Variants in KALRN observed in about 807,000 individuals in gnomAD.
The protein encoded by KALRN is kalirin.
Under a neutral mutation model 353.7 loss-of-function variants are expected in KALRN, and 70 were observed. That is an observed-to-expected ratio of 0.20 (90% CI 0.16 to 0.24). The LOEUF (loss-of-function observed/expected upper bound fraction) is 0.24, where lower values mean the gene tolerates loss of function less well. KALRN is among the 10% of genes least tolerant of loss of function. KALRN has a pLI of 1.00. For missense variants in KALRN, 2,791 were observed against 3,756.7 expected (o/e 0.74, Z 6.72); for synonymous variants, 1,391 against 1,434.8 (o/e 0.97, Z 0.69).
At chr3:124,644,103 C>A (rs960640915) in intron 37 of KALRN, among the ~76,000 whole-genome samples, 1 of 152,102 alleles carries the variant, frequency 6.6e-6, no homozygotes, top group Non-Finnish European at 1.5e-5. Flanking sequence ...ACTTTGTATC[C>A]TTTGACCTAC....
chr3:124,269,053 A>G lies in KALRN; in HGVS notation c.767A>G (p.Gln256Arg). ...ELDREGQRLLQCIRCSDGFSG... is the reference protein window; with the variant it reads ...ELDREGQRLLRCIRCSDGFSG... ...GACCGGGAGGGGCAGCGGCTGCTGCAGTGCATCCGCTGCAGCGACGGCTTC... is the reference window on the plus strand; with the variant it reads ...GACCGGGAGGGGCAGCGGCTGCTGCGGTGCATCCGCTGCAGCGACGGCTTC... The change falls in exon 5 of 60, where the codon CAG becomes CGG. Residue 256 changes from glutamine to arginine, a missense_variant. Physicochemically the swap from Gln to Arg is conservative, Grantham distance 43. Around this residue, in one of 11 missense-constraint regions of KALRN, gnomAD observed 366 missense variants for 489.2 expected, o/e 0.75. Transcript: ENST00000682506. 2 of 1,612,778 alleles carry G rather than the reference A, an allele frequency of 1.2e-6. No homozygotes were observed. The highest frequency in any genetic ancestry group is 1.7e-4 in the Middle Eastern group (1 of 6,060).
At chr3:124,709,683 G>A (rs1439099782) in intron 57 of KALRN, among the ~76,000 whole-genome samples, 1 of 152,152 alleles carries the variant, frequency 6.6e-6, no homozygotes, top group Non-Finnish European at 1.5e-5. Context: ...AAGAATTAGA[G>A]GACTAGACTA....
chr3:124,701,175 G>A (rs375226848), intron 56 of KALRN, among the ~76,000 whole-genome samples: 3 of 152,196 alleles, frequency 2.0e-5, no homozygotes, highest in African/African-American at 4.8e-5. Flanking sequence ...ACACAAATGC[G>A]TATTGCTGTG....
intron 6 of KALRN, among the ~76,000 whole-genome samples, chr3:124,313,718 G>C (rs760827241): frequency 6.6e-6 from 1 of 152,200 alleles, no homozygotes; most frequent in African/African-American, 2.4e-5. Context: ...TTCCACTCTA[G>C]ATTCTGATTT....
intron 1 of KALRN, chr3:124,094,280 G>A (rs893439271): frequency 6.2e-6 from 1 of 162,338 alleles, no homozygotes. Flanking sequence ...TACCAGTCAT[G>A]CAGGTCCTGC....
chr3:124,210,622 G>A (rs867592833), intron 1 of KALRN, among the ~76,000 whole-genome samples: 3 of 152,258 alleles, frequency 2.0e-5, no homozygotes, highest in South Asian at 4.2e-4. Flanking sequence ...GGCCAGAAAG[G>A]GGAGAAAGAA....
At chr3:124,594,371 G>A (rs574418132) in intron 34 of KALRN, among the ~76,000 whole-genome samples, 6 of 152,092 alleles carry the variant, frequency 3.9e-5, no homozygotes, top group African/African-American at 1.2e-4. Context: ...GACTACAGGC[G>A]TGCGCCACCA....
intron 1 of KALRN, among the ~76,000 whole-genome samples, chr3:124,206,108 T>G (rs1183584359): frequency 6.6e-6 from 1 of 152,226 alleles, no homozygotes; most frequent in Non-Finnish European, 1.5e-5. Context: ...TTGGTCAGCA[T>G]AGGTTGATGG....
At chr3:124,344,810 A>C (rs565793237) in intron 9 of KALRN, among the ~76,000 whole-genome samples, 3 of 152,344 alleles carry the variant, frequency 2.0e-5, no homozygotes, top group African/African-American at 7.2e-5. Flanking sequence ...TTTTTAAGTG[A>C]TGAAGGCATA....
intron 46 of KALRN, 130 bp downstream of exon 46, chr3:124,666,764 C>A: frequency 2.5e-6 from 2 of 794,022 alleles, no homozygotes; most frequent in Non-Finnish European, 2.0e-6. Flanking sequence ...AACATTCGGT[C>A]ATGGAGGCTG....
At chr3:124,482,764 C>A (rs111967106) in intron 27 of KALRN, 44 bp from the exon 28 acceptor site, 2 of 1,303,210 alleles carry the variant, frequency 1.5e-6, no homozygotes, top group South Asian at 1.2e-5. Context: ...CACACATGCA[C>A]ACACCCCTCT....
chr3:124,157,315 G>T (rs2069146885), intron 1 of KALRN, among the ~76,000 whole-genome samples: 1 of 152,172 alleles, frequency 6.6e-6, no homozygotes, highest in African/African-American at 2.4e-5. Flanking sequence ...GGGGCTCTTT[G>T]TTCGTGTAGA....
At chr3:124,672,225 G>A (rs983987616) in intron 48 of KALRN, among the ~76,000 whole-genome samples, 1 of 152,216 alleles carries the variant, frequency 6.6e-6, no homozygotes, top group African/African-American at 2.4e-5. Flanking sequence ...TGGGATTACA[G>A]GTGTGAGCCA....
intron 5 of KALRN, among the ~76,000 whole-genome samples, chr3:124,294,351 A>C (rs947416410): frequency 6.6e-6 from 1 of 151,808 alleles, no homozygotes; most frequent in Non-Finnish European, 1.5e-5. Context: ...TTAAATCTAC[A>C]CCCTGGACTT....
intron 47 of KALRN, among the ~76,000 whole-genome samples, chr3:124,668,197 C>T (rs556307944): frequency 4.6e-5 from 7 of 152,266 alleles, no homozygotes; most frequent in South Asian, 2.1e-4. Context: ...CATGTACACA[C>T]GTACAGGCCC....
At chr3:124,188,170 G>C (rs1244783084) in intron 1 of KALRN, among the ~76,000 whole-genome samples, 1 of 152,132 alleles carries the variant, frequency 6.6e-6, no homozygotes, top group Non-Finnish European at 1.5e-5. Context: ...ACGTACGCAA[G>C]AATCACCTGG....
intron 1 of KALRN, among the ~76,000 whole-genome samples, chr3:124,077,625 G>A (rs1361050310): frequency 2.6e-5 from 4 of 152,066 alleles, no homozygotes; most frequent in Admixed American, 6.5e-5. Context: ...CAGTTCTACC[G>A]CCACTCTCCA....
At chr3:124,349,842 A>G (rs534999328) in intron 10 of KALRN, among the ~76,000 whole-genome samples, 5 of 152,204 alleles carry the variant, frequency 3.3e-5, no homozygotes, top group Non-Finnish European at 7.3e-5. Flanking sequence ...ACAGATCCAC[A>G]ATATCTGGTC....
intron 33 of KALRN, chr3:124,519,381 C>T: frequency 1.0e-5 from 10 of 985,390 alleles, no homozygotes; most frequent in Non-Finnish European, 1.2e-5. Context: ...GCCCCAACCC[C>T]AAACACAGAG....
Sources: allele counts gnomAD v4.1 joint callset (sites outside exome capture counted in the v4.1 genomes callset), GRCh38; gene constraint gnomAD v4.1.1; regional missense constraint gnomAD v4.1.1; transcripts MANE v1.5; gene names NCBI Gene and HGNC (gene_info 2026-07-23, HGNC 2026-07-21).